The following ALOX5 variants were observed in gnomAD, a reference collection of about 807,000 sequenced individuals.
ALOX5 encodes polyunsaturated fatty acid 5-lipoxygenase.
Under a neutral mutation model 87.9 loss-of-function variants are expected in ALOX5, and 64 were observed. That is an observed-to-expected ratio of 0.73 (90% CI 0.60 to 0.90). The LOEUF is 0.90. Among genes scored for constraint, ALOX5 ranks in the 40% least tolerant of loss-of-function variants. ALOX5 has a pLI of 0.00. For missense variants in ALOX5, 822 were observed against 907.5 expected (o/e 0.91, Z 1.21); for synonymous variants, 388 against 355.1 (o/e 1.09, Z -1.04).
At chr10:45,391,284 G>A (rs984612721) in intron 2 of ALOX5, among the ~76,000 whole-genome samples, 2 of 152,164 alleles carry the variant, frequency 1.3e-5, no homozygotes, top group Non-Finnish European at 2.9e-5. Context: ...TGGTGGAGAC[G>A]GGGTTTCGCT....
At chr10:45,421,347 T>C (rs1007837512) in intron 4 of ALOX5, among the ~76,000 whole-genome samples, 5 of 152,162 alleles carry the variant, frequency 3.3e-5, no homozygotes, top group African/African-American at 9.7e-5. Flanking sequence ...TCCTGGTTCC[T>C]CCAAAGAACA....
At chr10:45,432,088 A>C (rs1166904950) in intron 7 of ALOX5, among the ~76,000 whole-genome samples, 2 of 152,118 alleles carry the variant, frequency 1.3e-5, no homozygotes, top group Non-Finnish European at 2.9e-5. Context: ...AAAAATTGAA[A>C]GATTCATATG....
chr10:45,424,220 G>A (rs1841613098), intron 5 of ALOX5, 73 bp downstream of exon 5: 1 of 1,347,734 alleles, frequency 7.4e-7, no homozygotes, highest in African/African-American at 1.4e-5. Flanking sequence ...TACTTGCCGG[G>A]AAATTGACAA....
At chr10:45,394,627 C>T (rs1049237901) in intron 2 of ALOX5, among the ~76,000 whole-genome samples, 4 of 152,144 alleles carry the variant, frequency 2.6e-5, no homozygotes, top group African/African-American at 7.2e-5. Flanking sequence ...AACTAAAGAG[C>T]TTCTGCACAG....
rs776084947 is a variant in ALOX5, at chr10:45,444,230, C to T, written c.1789C>T (p.Arg597Cys). The T allele has an allele frequency of 6.4e-7, 1 of 1,554,980 alleles. No individual in the cohort carries two copies. Among genetic ancestry groups the T allele is most frequent in the Non-Finnish European group, 8.7e-7 (1 of 1,149,246 alleles). The change falls in exon 13 of 14, where the codon CGC becomes TGC. Residue 597 changes from arginine (R) to cysteine (C), a missense_variant. Coordinates refer to ENST00000374391, the MANE Select transcript of ALOX5 (RefSeq NM_000698.5). Reference sequence around the variant, plus strand: ...CGTGGACACGCTGCCCGACCGCGGCCGCTCCTGCTGGCATCTGGGTGCAGT... The same window carrying T: ...CGTGGACACGCTGCCCGACCGCGGCTGCTCCTGCTGGCATCTGGGTGCAGT... ...QIVDTLPDRG[R>C]SCWHLGAVWA...
chr10:45,438,888 C>A (rs1842137160), intron 7 of ALOX5, among the ~76,000 whole-genome samples: 1 of 152,180 alleles, frequency 6.6e-6, no homozygotes, highest in African/African-American at 2.4e-5. Flanking sequence ...CTCCTCCCTC[C>A]CCCCTCCTTG....
intron 3 of ALOX5, among the ~76,000 whole-genome samples, chr10:45,406,242 ATAG>A (rs1331671013): frequency 1.3e-5 from 2 of 152,244 alleles, no homozygotes; most frequent in Non-Finnish European, 2.9e-5. Flanking sequence ...TAGTAGGCAC[ATAG>A]AAAGCACTGG....
intron 4 of ALOX5, among the ~76,000 whole-genome samples, chr10:45,417,693 C>T (rs1305634510): frequency 1.3e-5 from 2 of 152,202 alleles, no homozygotes; most frequent in East Asian, 3.8e-4. Context: ...GATGTCTCTG[C>T]CCAGAAATGG....
intron 3 of ALOX5, among the ~76,000 whole-genome samples, chr10:45,397,027 A>G (rs1248683314): frequency 1.3e-5 from 2 of 152,240 alleles, no homozygotes; most frequent in African/African-American, 2.4e-5. Flanking sequence ...ACACCCATTC[A>G]TGATAAAACA....
At chr10:45,444,792 C>T (rs1842383746) in intron 13 of ALOX5, 1 of 158,512 alleles carries the variant, frequency 6.3e-6, no homozygotes, top group Admixed American at 6.5e-5. Flanking sequence ...GTGTTGGTCC[C>T]TCACTGGACA....
intron 7 of ALOX5, among the ~76,000 whole-genome samples, chr10:45,431,172 A>T (rs1841891209): frequency 6.6e-6 from 1 of 152,232 alleles, no homozygotes; most frequent in African/African-American, 2.4e-5. Flanking sequence ...CAACTAATAA[A>T]AATTAATAGG....
intron 2 of ALOX5, among the ~76,000 whole-genome samples, chr10:45,395,274 C>T (rs1262018234): frequency 1.3e-5 from 2 of 152,064 alleles, no homozygotes; most frequent in Admixed American, 6.5e-5. Context: ...TACTATGCAG[C>T]CATAAAAAAG....
intron 1 of ALOX5, among the ~76,000 whole-genome samples, chr10:45,377,517 A>G (rs974608216): frequency 2.0e-5 from 3 of 151,538 alleles, no homozygotes; most frequent in African/African-American, 7.3e-5. Context: ...TCTCTGTCCC[A>G]CATTTTCCCC....
intron 7 of ALOX5, among the ~76,000 whole-genome samples, chr10:45,438,137 TTTTTTCATTTGGATCCCTTTTATTTC>T (rs992343940): frequency 8.5e-5 from 13 of 152,178 alleles, no homozygotes; most frequent in Non-Finnish European, 2.9e-5. Flanking sequence ...CTCTTTTTTT[TTTTTTCATTTGGATCCCTTTTATTTC>T]TTTCTCTTGC....
chr10:45,439,233 A>G (rs948364833), intron 7 of ALOX5, among the ~76,000 whole-genome samples: 3 of 152,122 alleles, frequency 2.0e-5, no homozygotes, highest in African/African-American at 7.2e-5. Context: ...GGGTAGCATT[A>G]TATGTCTATT....
rs1589056340 is a variant in ALOX5, at chr10:45,445,639, A to G, written c.1977A>G (p.Pro659=). Residue 659 remains proline (P), a synonymous_variant, in exon 14 of 14, where the codon CCA becomes CCG. Coordinates refer to ENST00000374391, the MANE Select transcript of ALOX5 (RefSeq NM_000698.5). The part of the protein sequence containing the change: ...IAERNKKKQL[P]YYYLSPDRIP... ...AGCGCAACAAGAAGAAGCAGCTGCC[A>G]TATTACTACTTGTCCCCAGACCGGA... 3.1e-6 allele frequency: 5 copies of G among 1,614,084 alleles called. No individual in the cohort carries two copies. The South Asian group carries it at 4.4e-5, about 14-fold the overall frequency.
At chr10:45,442,965 C>T in intron 9 of ALOX5, 73 bp from the exon 10 acceptor site, 1 of 1,500,280 alleles carries the variant, frequency 6.7e-7, no homozygotes. Flanking sequence ...TCCCCTGGCA[C>T]ATTTCCTCAG....
intron 2 of ALOX5, among the ~76,000 whole-genome samples, chr10:45,383,795 G>A (rs1564411557): frequency 2.0e-5 from 3 of 152,146 alleles, no homozygotes; most frequent in South Asian, 2.1e-4. Flanking sequence ...GAGTTAAGAG[G>A]ATTTTTGTCC....
intron 2 of ALOX5, among the ~76,000 whole-genome samples, chr10:45,383,349 G>A (rs1839906915): frequency 6.6e-6 from 1 of 152,262 alleles, no homozygotes; most frequent in Non-Finnish European, 1.5e-5. Flanking sequence ...GAGCATCAGA[G>A]ACGGACGCAG....
Sources: gnomAD v4.1 joint callset for allele counts (sites outside exome capture counted in the v4.1 genomes callset) on GRCh38, gnomAD v4.1.1 for gene constraint, MANE v1.5 for transcripts, NCBI Gene and HGNC (gene_info 2026-07-23, HGNC 2026-07-21) for gene names.